Variants in PRKN observed in about 807,000 individuals in gnomAD.
PRKN encodes the protein parkin RBR E3 ubiquitin protein ligase, also known as E3 ubiquitin-protein ligase parkin.
Under a neutral mutation model 59.5 loss-of-function variants are expected in PRKN, and 56 were observed. The ratio of observed to expected loss-of-function variants is 0.94; its 90% CI spans 0.76 to 1.18. The LOEUF is 1.18. Ranked by LOEUF, PRKN falls within the 50% of genes most tolerant of loss-of-function variation. The pLI is 0.00. For synonymous variants in PRKN, 250 were observed against 222.1 expected (o/e 1.13, Z -1.12); for missense variants, 657 against 596.4 (o/e 1.10, Z -1.06).
chr6:161,688,066 G>A (rs930813963), intron 7 of PRKN, among the ~76,000 whole-genome samples: 6 of 151,908 alleles, frequency 3.9e-5, no homozygotes, highest in Admixed American at 6.6e-5. Flanking sequence ...TCTCAACCCT[G>A]CAATTCAACA....
At chr6:161,742,190 G>A (rs912281060) in intron 7 of PRKN, among the ~76,000 whole-genome samples, 3 of 151,964 alleles carry the variant, frequency 2.0e-5, no homozygotes, top group African/African-American at 4.8e-5. Context: ...GGCTGGTCTC[G>A]AACTCCTGAC....
chr6:161,906,904 G>A (rs1666644782), intron 6 of PRKN, among the ~76,000 whole-genome samples: 1 of 151,932 alleles, frequency 6.6e-6, no homozygotes, highest in Non-Finnish European at 1.5e-5. Context: ...AGCCAGTCTA[G>A]TCCATCCACG....
At chr6:162,015,211 G>A (rs186238795) in intron 5 of PRKN, among the ~76,000 whole-genome samples, 2 of 152,166 alleles carry the variant, frequency 1.3e-5, no homozygotes, top group East Asian at 1.9e-4. Context: ...CTAACAAATC[G>A]CTAAACTGTG....
At chr6:162,626,764 A>T (rs2128221863) in intron 1 of PRKN, among the ~76,000 whole-genome samples, 1 of 151,978 alleles carries the variant, frequency 6.6e-6, no homozygotes, top group African/African-American at 2.4e-5. Flanking sequence ...CAGTGAGCCA[A>T]GATCATGCCA....
At position 162,274,153 on chromosome 6, in the gene PRKN, TTTAA is replaced by T. The variant is rs553675371; in HGVS notation, c.172-11392_172-11389del. Reference sequence around the variant, plus strand: ...GAATGTATATTATATCTTCTTGTAATTTAATTAATTAATTTATTAATTTATTAAT... The same window carrying T: ...GAATGTATATTATATCTTCTTGTAATTTAATTAATTTATTAATTTATTAAT... On this transcript the variant is annotated intron_variant, in intron 2 of 11. Coordinates refer to ENST00000366898, the MANE Select transcript of PRKN (RefSeq NM_004562.3). Among the ~76,000 whole-genome samples, 451 of 150,778 alleles carry T rather than the reference TTTAA, an allele frequency of 3.0e-3. 1 individual carries two copies. Among genetic ancestry groups the T allele is most frequent in the Non-Finnish European group, 5.5e-3 (371 of 67,974 alleles).
intron 3 of PRKN, among the ~76,000 whole-genome samples, chr6:162,248,191 C>T (rs1262230773): frequency 1.3e-5 from 2 of 152,136 alleles, no homozygotes; most frequent in African/African-American, 2.4e-5. Flanking sequence ...AGTTTGTGTA[C>T]ATGAAATGTT....
intron 7 of PRKN, among the ~76,000 whole-genome samples, chr6:161,714,969 C>T (rs924196250): frequency 6.6e-6 from 1 of 152,114 alleles, no homozygotes; most frequent in South Asian, 2.1e-4. Context: ...CTTAAGGATG[C>T]CATATTTGAA....
rs754973878 is a variant in PRKN, at chr6:161,545,475, C to G, written c.1083+3379G>C. 17 of 1,444,658 alleles carry G rather than the reference C, an allele frequency of 1.2e-5. No individual in the cohort carries two copies. The highest frequency in any genetic ancestry group is 1.7e-5 in the Non-Finnish European group (17 of 1,027,370). The allele number at this position is 1,444,658 out of a possible 1,614,324, so 89.5% of individuals were successfully genotyped here. ...AGAGTAAAAAGAGATTCACCTTCTT[C>G]TAACTTTTATGTATTTGGCCATGTT... On this transcript the variant is annotated intron_variant, in intron 9 of 11. Transcript: ENST00000366898. The surrounding 1 kb of genome is among the most constrained non-coding windows in gnomAD (Gnocchi z 4.1).
chr6:162,535,166 T>C (rs953078434), intron 1 of PRKN, among the ~76,000 whole-genome samples: 1 of 152,110 alleles, frequency 6.6e-6, no homozygotes, highest in Non-Finnish European at 1.5e-5. Context: ...CGGAGTTGGC[T>C]GTGTTCATGT....
At chr6:161,854,078 T>C (rs1192369097) in intron 6 of PRKN, among the ~76,000 whole-genome samples, 1 of 136,370 alleles carries the variant, frequency 7.3e-6, no homozygotes, top group Non-Finnish European at 1.6e-5. Context: ...AAACCCTGTT[T>C]CTACATAAAA....
intron 1 of PRKN, among the ~76,000 whole-genome samples, chr6:162,619,511 TTAAC>T (rs1782570045): frequency 6.6e-6 from 1 of 152,132 alleles, no homozygotes; most frequent in South Asian, 2.1e-4. Context: ...AGACAGCCTC[TTAAC>T]TAATGATTCG....
chr6:161,691,040 T>TTCCATCCATCCATCCATCCATCCA (rs111800155), intron 7 of PRKN, among the ~76,000 whole-genome samples: 2 of 145,300 alleles, frequency 1.4e-5, no homozygotes, highest in African/African-American at 2.6e-5. Context: ...CTCCTTTCCT[T>TTCCATCCATCCATCCATCCATCCA]TCCATCCATC....
chr6:162,699,576 A>T (rs1373756570), intron 1 of PRKN, among the ~76,000 whole-genome samples: 1 of 152,206 alleles, frequency 6.6e-6, no homozygotes, highest in Non-Finnish European at 1.5e-5. Flanking sequence ...TTCTTTTTAA[A>T]TTTTTCATTC....
At chr6:162,413,909 C>G (rs556973338) in intron 2 of PRKN, among the ~76,000 whole-genome samples, 1 of 152,070 alleles carries the variant, frequency 6.6e-6, no homozygotes, top group African/African-American at 2.4e-5. Context: ...AGGCTGGGCG[C>G]GGTGGCTCAC....
At chr6:162,013,192 A>G (rs925769555) in intron 5 of PRKN, among the ~76,000 whole-genome samples, 2 of 152,074 alleles carry the variant, frequency 1.3e-5, no homozygotes, top group African/African-American at 4.8e-5. Context: ...ATTTGGTTAT[A>G]TCATACAGAC....
chr6:162,560,536 T>G (rs1360553055), intron 1 of PRKN, among the ~76,000 whole-genome samples: 2 of 152,130 alleles, frequency 1.3e-5, no homozygotes, highest in Non-Finnish European at 2.9e-5. Context: ...AATCAAGTTA[T>G]TTTTAATACA....
intron 7 of PRKN, among the ~76,000 whole-genome samples, chr6:161,761,941 C>T (rs1433627778): frequency 6.6e-6 from 1 of 152,188 alleles, no homozygotes; most frequent in Admixed American, 6.5e-5. Context: ...CCTTGGAGGA[C>T]AGGACATTTG....
At chr6:162,049,986 GT>G (rs1777565794) in intron 5 of PRKN, among the ~76,000 whole-genome samples, 1 of 152,098 alleles carries the variant, frequency 6.6e-6, no homozygotes, top group African/African-American at 2.4e-5. Context: ...TTCTGACAAT[GT>G]TTCCTTAGTA....
At chr6:161,988,763 T>G (rs1259118630) in intron 5 of PRKN, among the ~76,000 whole-genome samples, 1 of 152,006 alleles carries the variant, frequency 6.6e-6, no homozygotes, top group African/African-American at 2.4e-5. Context: ...AAAAAAAAAT[T>G]GCAGAAAAGA....
Sources: allele counts gnomAD v4.1 joint callset (sites outside exome capture counted in the v4.1 genomes callset), GRCh38; gene constraint gnomAD v4.1.1; non-coding constraint Gnocchi (gnomAD v3.1); transcripts MANE v1.5; gene names NCBI Gene and HGNC (gene_info 2026-07-23, HGNC 2026-07-21).